Variants in EPHA6 observed in about 807,000 individuals in gnomAD.
The protein encoded by EPHA6 is ephrin type-A receptor 6.
Under a neutral mutation model 112.0 loss-of-function variants are expected in EPHA6, and 50 were observed. The ratio of observed to expected loss-of-function variants is 0.45; its 90% CI spans 0.36 to 0.56. The LOEUF (loss-of-function observed/expected upper bound fraction) is 0.56, where lower values mean the gene tolerates loss of function less well. EPHA6 is among the 20% of genes least tolerant of loss of function. The pLI, the probability that EPHA6 is intolerant of heterozygous loss-of-function variation, is 0.00. For missense variants in EPHA6, 1,280 were observed against 1,417.4 expected (o/e 0.90, Z 1.56); for synonymous variants, 529 against 490.7 (o/e 1.08, Z -1.03).
intron 12 of EPHA6, among the ~76,000 whole-genome samples, chr3:97,606,956 T>C (rs2093684502): frequency 6.6e-6 from 1 of 151,094 alleles, no homozygotes; most frequent in East Asian, 1.9e-4. Flanking sequence ...CACATTTTAT[T>C]GCCTGGTAGA....
chr3:97,311,599 AAATGACTGGATTG>A (rs1576918059), intron 5 of EPHA6, among the ~76,000 whole-genome samples: 1 of 151,888 alleles, frequency 6.6e-6, no homozygotes, highest in East Asian at 1.9e-4. Context: ...TTAAAAATTC[AAATGACTGGATTG>A]TATTTAGAAT....
intron 1 of EPHA6, among the ~76,000 whole-genome samples, chr3:96,845,535 G>T (rs2107344695): frequency 6.6e-6 from 1 of 151,920 alleles, no homozygotes; most frequent in Admixed American, 6.6e-5. Flanking sequence ...TTGGTTGGTT[G>T]GTTTTGTCTT....
chr3:97,068,992 G>A (rs77890961), intron 3 of EPHA6, among the ~76,000 whole-genome samples: 12,823 of 152,046 alleles, frequency 0.084, 867 homozygotes, highest in Admixed American at 0.21. Flanking sequence ...TGAGTAAGGC[G>A]CACGTGCGTA....
chr3:97,578,504 T>C (rs1481252086), intron 11 of EPHA6, among the ~76,000 whole-genome samples: 1 of 152,204 alleles, frequency 6.6e-6, no homozygotes, highest in Non-Finnish European at 1.5e-5. Context: ...TGGCCAGCCA[T>C]ATGGCCCTTA....
In EPHA6 at chr3:97,245,589, G is replaced by A. The variant is rs1388622799; in HGVS notation, c.1606+1302G>A. 2.6e-5 allele frequency among the ~76,000 whole-genome samples: 4 copies of A among 151,884 alleles called. 1 individual carries two copies. Among genetic ancestry groups the A allele is most frequent in the Non-Finnish European group, 5.9e-5 (4 of 67,928 alleles). On this transcript the variant is annotated intron_variant, in intron 5 of 17. Coordinates refer to ENST00000389672, the MANE Select transcript of EPHA6 (RefSeq NM_001080448.3). ...ACTCAGCAATAAAAATGAACAAAGT[G>A]GCACTATGCAGACTGAAAAGCCTAT...
intron 5 of EPHA6, among the ~76,000 whole-genome samples, chr3:97,257,511 G>T (rs1050167094): frequency 6.6e-5 from 10 of 151,920 alleles, no homozygotes; most frequent in African/African-American, 2.4e-4. Context: ...TCATCAAATT[G>T]GACTCGTTGA....
At chr3:97,288,534 G>T (rs566588278) in intron 5 of EPHA6, among the ~76,000 whole-genome samples, 2 of 152,250 alleles carry the variant, frequency 1.3e-5, no homozygotes, top group African/African-American at 4.8e-5. Flanking sequence ...GAATAGTGCT[G>T]CAATGAACAT....
Position 97,244,300 on chromosome 3 carries a change from G to T in EPHA6, c.1606+13G>T, listed in dbSNP as rs748366898. The T allele has an allele frequency of 6.2e-7, 1 of 1,609,602 alleles. No individual in the cohort carries two copies. Among genetic ancestry groups the T allele is most frequent in the Admixed American group, 1.7e-5 (1 of 59,830 alleles). On this transcript the variant is annotated intron_variant, in intron 5 of 17. Coordinates refer to ENST00000389672, the MANE Select transcript of EPHA6 (RefSeq NM_001080448.3). ...ACGGATCAAGATGGTAAGTTCCACT[G>T]CTGTTCTCTCAAAACAGACCCATAA...
intron 3 of EPHA6, among the ~76,000 whole-genome samples, chr3:97,131,072 G>A (rs2048324574): frequency 6.6e-6 from 1 of 152,046 alleles, no homozygotes; most frequent in South Asian, 2.1e-4. Context: ...ATACTACAGT[G>A]GCAGATTAAA....
intron 12 of EPHA6, among the ~76,000 whole-genome samples, chr3:97,607,913 C>A: frequency 6.6e-6 from 1 of 151,094 alleles, no homozygotes; most frequent in East Asian, 1.9e-4. Flanking sequence ...ACTTCTCTCA[C>A]CTAAAACAGA....
intron 16 of EPHA6, among the ~76,000 whole-genome samples, chr3:97,742,405 A>T (rs1184080387): frequency 6.6e-6 from 1 of 152,268 alleles, no homozygotes; most frequent in East Asian, 1.9e-4. Flanking sequence ...GAAATTCTTT[A>T]TAAGTATTAT....
chr3:97,549,628 G>A (rs1211657934), intron 11 of EPHA6, among the ~76,000 whole-genome samples: 2 of 152,112 alleles, frequency 1.3e-5, no homozygotes, highest in African/African-American at 2.4e-5. Flanking sequence ...CTTGGCCAAA[G>A]CAAAAAGTTT....
At chr3:97,124,700 C>A (rs2048136780) in intron 3 of EPHA6, among the ~76,000 whole-genome samples, 1 of 152,128 alleles carries the variant, frequency 6.6e-6, no homozygotes, top group African/African-American at 2.4e-5. Flanking sequence ...CCAACCTCAG[C>A]AGAGCTTCTA....
chr3:96,905,465 C>T (rs539970856), intron 2 of EPHA6, among the ~76,000 whole-genome samples: 3 of 150,554 alleles, frequency 2.0e-5, no homozygotes, highest in African/African-American at 7.3e-5. Context: ...TATGAAAATA[C>T]AGATTTTAAA....
At chr3:97,257,822 T>C (rs1053079901) in intron 5 of EPHA6, among the ~76,000 whole-genome samples, 1 of 151,904 alleles carries the variant, frequency 6.6e-6, no homozygotes, top group Non-Finnish European at 1.5e-5. Context: ...GAATGACAAG[T>C]CTAGTGAATG....
intron 14 of EPHA6, among the ~76,000 whole-genome samples, chr3:97,699,144 G>T (rs113827652): frequency 6.6e-6 from 1 of 152,056 alleles, no homozygotes. Context: ...ACATACTTCT[G>T]GTTGTTCCAT....
intron 14 of EPHA6, among the ~76,000 whole-genome samples, chr3:97,644,376 G>T (rs1390341109): frequency 4.1e-5 from 6 of 147,692 alleles, no homozygotes; most frequent in African/African-American, 7.5e-5. Context: ...ACAATTAAAA[G>T]AACTAGAAAA....
rs1055733819 is a variant in EPHA6 at position 97,614,336 on chromosome 3, T to G, written c.2574+3482T>G. Among the ~76,000 whole-genome samples, 38 of 74,778 alleles carry G rather than the reference T, an allele frequency of 5.1e-4. 1 individual carries two copies. In the East Asian group the frequency reaches 0.026, roughly 51 times the overall value. 49.1% of individuals were successfully genotyped at this position (74,778 alleles called of 152,430 possible). A position where few individuals can be genotyped will look rare whatever the true frequency, so the allele number is the denominator to read the frequency against. On this transcript the variant is annotated intron_variant, in intron 13 of 17. Transcript: ENST00000389672. The stretch of plus-strand genomic sequence containing the variant: ...TCATGAGAGAAAAGGTATACTTACT[T>G]TTTTTTTTTTTTTTTTTGAGACAGA...
chr3:96,987,319 C>T lies in EPHA6; in HGVS notation c.451-11C>T, dbSNP rs1213512560. 7.0e-6 allele frequency: 11 copies of T among 1,563,658 alleles called. No individual in the cohort carries two copies. Among genetic ancestry groups the T allele is most frequent in the African/African-American group, 2.7e-5 (2 of 72,940 alleles). On this transcript the variant is annotated splice_polypyrimidine_tract_variant and intron_variant, in intron 2 of 17. Transcript: ENST00000389672. ...TTAAAATCACTTAATTACTTTTTTCCCTTTTTGCAGTGGGATGCCATCACT... is the reference window on the plus strand; with the variant it reads ...TTAAAATCACTTAATTACTTTTTTCTCTTTTTGCAGTGGGATGCCATCACT...
Sources: allele counts gnomAD v4.1 joint callset (sites outside exome capture counted in the v4.1 genomes callset), GRCh38; gene constraint gnomAD v4.1.1; transcripts MANE v1.5; gene names NCBI Gene and HGNC (gene_info 2026-07-23, HGNC 2026-07-21).